C2CD5: variants seen among roughly 807,000 people sequenced by gnomAD.
C2CD5 encodes the protein C2 domain-containing protein 5.
Under a neutral mutation model 130.3 loss-of-function variants are expected in C2CD5, and 109 were observed. That is an observed-to-expected ratio of 0.84 (90% CI 0.72 to 0.98). The LOEUF (loss-of-function observed/expected upper bound fraction) is 0.98. Ranked by LOEUF, C2CD5 falls within the 50% of genes least tolerant of loss-of-function variation. C2CD5 has a pLI of 0.00. For missense variants in C2CD5, 996 were observed against 1,261.8 expected, an observed-to-expected ratio of 0.79 and a Z score of 3.19; for synonymous variants, 454 against 429.2, an observed-to-expected ratio of 1.06 and a Z score of -0.71.
At chr12:22,512,350 T>C (rs1471090546) in intron 9 of C2CD5, among the ~76,000 whole-genome samples, 1 of 152,170 alleles carries the variant, frequency 6.6e-6, no homozygotes, top group Non-Finnish European at 1.5e-5. Flanking sequence ...TAGTGTAATA[T>C]AGAACATGTA....
At position 22,518,103 on chromosome 12, in the gene C2CD5, G is replaced by C. The variant is rs372679350; in HGVS notation, c.835C>G (p.His279Asp). ...AGAGGGGTTGAGGGTCCTGATGAGT[G>C]AGTATTGGGATTGGGATCTTCATTG... ...PFNEDPNPNTHSSGPSTPLKN... is the reference protein window; with the variant it reads ...PFNEDPNPNTDSSGPSTPLKN... The change falls in exon 8 of 27, where the codon CAC (histidine) becomes GAC (aspartate). Residue 279 changes from histidine to aspartate, a missense_variant. By Grantham distance (81) the His-to-Asp change is moderately conservative (BLOSUM62 -1). Transcript: ENST00000446597. The C allele has an allele frequency of 6.2e-7, 1 of 1,613,636 alleles. No homozygotes were observed. Among genetic ancestry groups the C allele is most frequent in the East Asian group, 2.2e-5 (1 of 44,884 alleles).
chr12:22,495,665 A>G (rs975201637), intron 10 of C2CD5, among the ~76,000 whole-genome samples: 2 of 152,102 alleles, frequency 1.3e-5, no homozygotes, highest in African/African-American at 4.8e-5. Context: ...ACAATTGCAC[A>G]TGAGGATGCC....
At chr12:22,494,913 C>T (rs899775751) in intron 10 of C2CD5, among the ~76,000 whole-genome samples, 21 of 151,948 alleles carry the variant, frequency 1.4e-4, no homozygotes, top group African/African-American at 4.8e-4. Flanking sequence ...CTAAGACATA[C>T]ACACTTACGG....
At chr12:22,528,618 G>T (rs1950938598) in intron 3 of C2CD5, among the ~76,000 whole-genome samples, 1 of 151,916 alleles carries the variant, frequency 6.6e-6, no homozygotes, top group Non-Finnish European at 1.5e-5. Context: ...ATTAAGATTG[G>T]GACAGAATAC....
intron 12 of C2CD5, among the ~76,000 whole-genome samples, chr12:22,486,003 A>G (rs927909451): frequency 1.3e-5 from 2 of 152,026 alleles, no homozygotes; most frequent in Admixed American, 1.3e-4. Flanking sequence ...TAGCTATCAA[A>G]ACATTTCTAA....
chr12:22,530,484 G>C (rs1951172979), intron 3 of C2CD5, among the ~76,000 whole-genome samples: 1 of 149,300 alleles, frequency 6.7e-6, no homozygotes, highest in Non-Finnish European at 1.5e-5. Context: ...TTAAGACGGA[G>C]TCTCACTCTG....
rs569458878 is a variant in C2CD5 at position 22,487,765 on chromosome 12, C to T, written c.1358+2358G>A. ...GACACATGCACACGTATGTTTATTG[C>T]GGCACTATTCACAATAGCAAACACT... On this transcript the variant is annotated intron_variant, in intron 12 of 26. Transcript: ENST00000446597. Among the ~76,000 whole-genome samples, 7 of 151,944 alleles carry T rather than the reference C, an allele frequency of 4.6e-5. No homozygotes were observed. The South Asian group carries it at 8.3e-4, about 18-fold the overall frequency.
intron 15 of C2CD5, among the ~76,000 whole-genome samples, chr12:22,475,765 A>C (rs1032847361): frequency 2.6e-5 from 4 of 152,158 alleles, no homozygotes; most frequent in African/African-American, 9.7e-5. Context: ...TTTCACATCA[A>C]TTTATCTTAT....
At chr12:22,523,696 TG>T in intron 6 of C2CD5, 72 bp from the exon 7 acceptor site, 3 of 1,025,082 alleles carry the variant, frequency 2.9e-6, no homozygotes, top group Non-Finnish European at 4.2e-6. Flanking sequence ...GACATGGTAG[TG>T]GTAAAAAAAA....
chr12:22,474,812 C>A lies in C2CD5; in HGVS notation c.1982G>T (p.Ser661Ile). 7 of 1,610,454 alleles carry A rather than the reference C, an allele frequency of 4.3e-6. No individual in the cohort carries two copies. Among genetic ancestry groups the A allele is most frequent in the Non-Finnish European group, 5.1e-6 (6 of 1,177,898 alleles). ...GTCTAATTCTGTAACTTCATCCGAG[C>A]TTTCTGATTGAGATCTTAGAAGTCT... Reference protein sequence around the residue: ...RSRLLRSQSESSDEVTELDLS... With the variant: ...RSRLLRSQSEISDEVTELDLS... The change falls in exon 16 of 27, where the codon AGC becomes ATC. Residue 661 changes from serine (S) to isoleucine (I), a missense_variant. By Grantham distance (142) the Ser-to-Ile change is moderately radical. This residue lies in a region of C2CD5 where 590 missense variants were observed against 631.4 expected (regional missense o/e 0.93). Coordinates refer to ENST00000446597, the MANE Select transcript of C2CD5 (RefSeq NM_001286176.2).
chr12:22,468,821 T>C (rs1439253477), intron 22 of C2CD5, among the ~76,000 whole-genome samples: 2 of 152,186 alleles, frequency 1.3e-5, no homozygotes, highest in East Asian at 3.8e-4. Flanking sequence ...AAAGATTCTA[T>C]TGACATATAT....
In C2CD5 at chr12:22,490,142, C is replaced by A. The variant is rs1159675292; in HGVS notation, c.1339G>T (p.Glu447Ter). 12 of 1,613,548 alleles carry A rather than the reference C, an allele frequency of 7.4e-6. No homozygotes were observed. Among genetic ancestry groups the A allele is most frequent in the Non-Finnish European group, 1.0e-5 (12 of 1,179,562 alleles). ...GACAACCTCTGTTCCAAACAGCCTTCCACGGTGCCATCCTGCAGAAATCTA... is the reference window on the plus strand; with the variant it reads ...GACAACCTCTGTTCCAAACAGCCTTACACGGTGCCATCCTGCAGAAATCTA... ...NPRFLQDGTV[E>*]GCLEQRLEEN... Residue 447 changes from glutamate (E) to a stop codon, truncating the protein, a stop_gained, in exon 12 of 27, where the codon GAA (glutamate) becomes TAA (stop). Transcript: ENST00000446597. LOFTEE classifies it high-confidence loss of function.
At chr12:22,527,614 AGCC>A (rs1366908707) in intron 4 of C2CD5, 104 bp downstream of exon 4, 1 of 652,436 alleles carries the variant, frequency 1.5e-6, no homozygotes, top group East Asian at 3.1e-5. Flanking sequence ...CACCGCACCT[AGCC>A]TAAAGATACA....
chr12:22,518,146 A>G lies in C2CD5; in HGVS notation c.801-9T>C, dbSNP rs769508791. The G allele has an allele frequency of 6.8e-6, 11 of 1,613,024 alleles. No homozygotes were observed. The African/African-American group carries it at 1.2e-4, about 18-fold the overall frequency. On this transcript the variant is annotated splice_polypyrimidine_tract_variant and intron_variant, in intron 7 of 26. Coordinates refer to ENST00000446597, the MANE Select transcript of C2CD5 (RefSeq NM_001286176.2). ...CTTCATTGAAGGGAATCCTGCCAGA[A>G]GAAGGTGGAGAAATATTAAGTAATC...
Position 22,470,871 on chromosome 12 carries a change from T to C in C2CD5, c.2399A>G (p.Gln800Arg). 6.2e-7 allele frequency: 1 copy of C among 1,612,724 alleles called. No individual in the cohort carries two copies. Among genetic ancestry groups the C allele is most frequent in the Non-Finnish European group, 8.5e-7 (1 of 1,178,962 alleles). ...AGGGGTTTTTGTGGTTTGTAAAGCC[T>C]GATTTTTGTCAAAAGTGATTGCGAC... ...TAVAITFDKN[Q>R]ALQTTKTPVE... The change falls in exon 21 of 27, where the codon CAG (glutamine) becomes CGG (arginine). Residue 800 changes from glutamine (Q) to arginine (R), a missense_variant. Physicochemically the swap from Gln to Arg is conservative, Grantham distance 43 (BLOSUM62 1). Transcript: ENST00000446597.
chr12:22,515,185 T>A (rs1160799859), intron 8 of C2CD5: 2 of 928,482 alleles, frequency 2.2e-6, no homozygotes, highest in East Asian at 2.3e-4. Context: ...AGATGCAGAT[T>A]CAGAAGATGA....
intron 7 of C2CD5, chr12:22,519,277 C>G: frequency 6.6e-7 from 1 of 1,514,170 alleles, no homozygotes; most frequent in Non-Finnish European, 8.9e-7. Context: ...GAAAAGAAAA[C>G]AATACATACA....
Position 22,472,748 on chromosome 12 carries a change from A to G in C2CD5, c.2103T>C (p.Pro701=). 1 of 1,547,906 alleles carries G rather than the reference A, an allele frequency of 6.5e-7. No homozygotes were observed. Among genetic ancestry groups the G allele is most frequent in the East Asian group, 2.3e-5 (1 of 44,406 alleles). Residue 701 remains proline, a synonymous_variant, in exon 17 of 27, where the codon CCT becomes CCC. Coordinates refer to ENST00000446597, the MANE Select transcript of C2CD5 (RefSeq NM_001286176.2). ...AAAGATAACTTTTTTGTTCACCTGA[A>G]GGAGGAGGAACATCAGTAAGTAGAG... ...VHSLLTDVPP[P]SGFYSCNTEI...
intron 10 of C2CD5, among the ~76,000 whole-genome samples, chr12:22,500,305 C>A (rs184216275): frequency 6.6e-6 from 1 of 150,500 alleles, no homozygotes; most frequent in Non-Finnish European, 1.5e-5. Context: ...TGGCAAGCAA[C>A]GTAGTAAGCA....
Sources: gnomAD v4.1 joint callset for allele counts (sites outside exome capture counted in the v4.1 genomes callset) on GRCh38, gnomAD v4.1.1 for gene constraint, gnomAD v4.1.1 regional missense constraint, MANE v1.5 for transcripts, NCBI Gene and HGNC (gene_info 2026-07-23, HGNC 2026-07-21) for gene names.